Variants in LAMA4 observed in about 807,000 individuals in gnomAD.
LAMA4 encodes laminin subunit alpha 4.
LAMA4 carries 127 observed loss-of-function variants against 207.1 expected under a neutral mutation model. That is an observed-to-expected ratio of 0.61 (90% CI 0.53 to 0.71). The LOEUF (loss-of-function observed/expected upper bound fraction) is 0.71. Ranked by LOEUF, LAMA4 falls within the 30% of genes least tolerant of loss-of-function variation. The pLI is 0.00. For synonymous variants in LAMA4, 761 were observed against 816.0 expected (o/e 0.93, Z 1.15); for missense variants, 2,093 against 2,246.5 (o/e 0.93, Z 1.38).
intron 2 of LAMA4, among the ~76,000 whole-genome samples, chr6:112,250,725 C>T (rs901102336): frequency 1.3e-5 from 2 of 152,194 alleles, no homozygotes; most frequent in Non-Finnish European, 2.9e-5. Flanking sequence ...TCCAGCCACA[C>T]AATGTAACCT....
intron 10 of LAMA4, 141 bp from the exon 11 acceptor site, chr6:112,175,621 T>C (rs782356349): frequency 6.7e-5 from 55 of 814,964 alleles, no homozygotes; most frequent in Non-Finnish European, 9.5e-5. Flanking sequence ...AGCGTGCTAG[T>C]GTTCATGCTG....
intron 2 of LAMA4, among the ~76,000 whole-genome samples, chr6:112,235,867 A>G (rs1554365838): frequency 6.6e-6 from 1 of 152,234 alleles, no homozygotes; most frequent in East Asian, 1.9e-4. Context: ...TTGAAATGAA[A>G]GAAATGGGAT....
chr6:112,139,348 G>A, intron 23 of LAMA4, 57 bp from the exon 24 acceptor site: 1 of 1,579,940 alleles, frequency 6.3e-7, no homozygotes, highest in Non-Finnish European at 8.7e-7. Context: ...TGCTTTTCAA[G>A]TGAAGCCCTT....
intron 3 of LAMA4, among the ~76,000 whole-genome samples, chr6:112,212,925 T>C (rs1402242545): frequency 6.6e-6 from 1 of 152,208 alleles, no homozygotes; most frequent in Admixed American, 6.5e-5. Flanking sequence ...TCAAAAATCA[T>C]GAAAATGCTA....
chr6:112,190,942 T>TCTTA (rs1783051947), intron 6 of LAMA4, among the ~76,000 whole-genome samples: 1 of 56,842 alleles, frequency 1.8e-5, no homozygotes, highest in Non-Finnish European at 3.5e-5. Context: ...TTTCTTTCTT[T>TCTTA]CTTTCCTTTC....
At chr6:112,145,074 T>G in intron 18 of LAMA4, 141 bp from the exon 19 acceptor site, 1 of 850,402 alleles carries the variant, frequency 1.2e-6, no homozygotes, top group Non-Finnish European at 1.9e-6. Flanking sequence ...TAGTAAAACC[T>G]GTAAGGTACA....
intron 7 of LAMA4, among the ~76,000 whole-genome samples, chr6:112,188,532 G>T (rs554712397): frequency 3.3e-5 from 5 of 152,288 alleles, no homozygotes; most frequent in African/African-American, 9.6e-5. Context: ...TGGGGGAGGG[G>T]ATGCCTACTA....
At chr6:112,182,982 T>C (rs1363286612) in intron 9 of LAMA4, among the ~76,000 whole-genome samples, 1 of 152,152 alleles carries the variant, frequency 6.6e-6, no homozygotes, top group Non-Finnish European at 1.5e-5. Flanking sequence ...GAAAGGGCTG[T>C]AGGACTTCCC....
Position 112,172,631 on chromosome 6 carries a change from C to T in LAMA4, c.1531G>A (p.Ala511Thr), listed in dbSNP as rs2114866762. 1 of 1,612,996 alleles carries T rather than the reference C, an allele frequency of 6.2e-7. No individual in the cohort carries two copies. Among genetic ancestry groups the T allele is most frequent in the Non-Finnish European group, 8.5e-7 (1 of 1,180,010 alleles). ...TGTACCTCATGGTCCCGCTGCCTGG[C>T]TGCTGTGGCCCTGTTCATGTCTTCG... The part of the protein sequence containing the change: ...DAEDMNRATA[A>T]RQRDHEKQQE... Residue 511 changes from alanine to threonine, a missense_variant, in exon 12 of 39, where the codon GCC becomes ACC. Ala to Thr is a moderately conservative substitution (Grantham distance 58, BLOSUM62 0). This residue lies in a region of LAMA4 where 1,704 missense variants were observed against 1,788.4 expected (regional missense o/e 0.95). Coordinates refer to ENST00000230538, the MANE Select transcript of LAMA4 (RefSeq NM_001105206.3).
chr6:112,159,621 C>T (rs1780934943), intron 13 of LAMA4: 1 of 152,460 alleles, frequency 6.6e-6, no homozygotes. Flanking sequence ...ATTCCTAAGC[C>T]AACATTTCCT....
rs148325464 is a variant in LAMA4, at chr6:112,155,616, T to C, written c.1908A>G (p.Glu636=). 18 of 1,614,152 alleles carry C rather than the reference T, an allele frequency of 1.1e-5. No homozygotes were observed. The highest frequency in any genetic ancestry group is 1.5e-5 in the Non-Finnish European group (18 of 1,179,962). ...VYENIVNYVS[E]ANETAEFALN... is the part of the protein sequence containing the mutation. ...AAGCAAATTCTGCTGTTTCATTGGC[T>C]TCACTAACATAATTAACAATATTTT... The change falls in exon 15 of 39, where the codon GAA becomes GAG. Residue 636 remains glutamate, a synonymous_variant. Coordinates refer to ENST00000230538, the MANE Select transcript of LAMA4 (RefSeq NM_001105206.3).
intron 4 of LAMA4, among the ~76,000 whole-genome samples, chr6:112,204,003 G>A (rs973051907): frequency 1.3e-5 from 2 of 152,164 alleles, no homozygotes; most frequent in Non-Finnish European, 2.9e-5. Context: ...CAGGAAAGGA[G>A]ACTCATTCCA....
At chr6:112,226,018 C>G (rs1374405350) in intron 2 of LAMA4, among the ~76,000 whole-genome samples, 5 of 152,148 alleles carry the variant, frequency 3.3e-5, no homozygotes, top group African/African-American at 1.2e-4. Context: ...AGGCTGCTGC[C>G]TTGTAGAGTT....
At chr6:112,216,115 G>A (rs1554358582) in intron 3 of LAMA4, among the ~76,000 whole-genome samples, 2 of 152,190 alleles carry the variant, frequency 1.3e-5, no homozygotes, top group African/African-American at 4.8e-5. Flanking sequence ...TCTACAGCAG[G>A]CAACCAGCTG....
intron 9 of LAMA4, chr6:112,179,949 G>A (rs782210094): frequency 1.9e-5 from 10 of 531,998 alleles, no homozygotes; most frequent in Non-Finnish European, 3.9e-5. Flanking sequence ...TTGTTCCAGT[G>A]CTTTCCAGAA....
At chr6:112,178,907 A>C (rs139221884) in intron 9 of LAMA4, 1 of 152,488 alleles carries the variant, frequency 6.6e-6, no homozygotes, top group East Asian at 1.9e-4. Context: ...TAAAGTTTCA[A>C]AGAGAAAATT....
intron 32 of LAMA4, among the ~76,000 whole-genome samples, chr6:112,121,407 A>C (rs1315040606): frequency 2.6e-5 from 4 of 152,260 alleles, no homozygotes; most frequent in African/African-American, 9.6e-5. Flanking sequence ...GTAGCAAATT[A>C]TAAGGTATTA....
At chr6:112,200,851 G>T (rs1276921035) in intron 5 of LAMA4, among the ~76,000 whole-genome samples, 2 of 152,026 alleles carry the variant, frequency 1.3e-5, no homozygotes, top group African/African-American at 4.8e-5. Context: ...ATGGGCACAG[G>T]GAGGGGAACA....
At chr6:112,218,051 A>G (rs1235751961) in intron 2 of LAMA4, 1 of 152,226 alleles carries the variant, frequency 6.6e-6, no homozygotes, top group African/African-American at 2.4e-5. Flanking sequence ...GTAATAATGT[A>G]CCTAAAACTT....
Sources: gnomAD v4.1 joint callset for allele counts (sites outside exome capture counted in the v4.1 genomes callset) on GRCh38, gnomAD v4.1.1 for gene constraint, gnomAD v4.1.1 regional missense constraint, MANE v1.5 for transcripts, NCBI Gene and HGNC (gene_info 2026-07-23, HGNC 2026-07-21) for gene names.